Variants in ABCB1 observed in about 807,000 individuals in gnomAD.
ABCB1 encodes ATP-dependent translocase ABCB1.
A neutral mutation model predicts 142.0 loss-of-function variants in ABCB1; 69 were observed. That is an observed-to-expected ratio of 0.49 (90% CI 0.40 to 0.59). The LOEUF (loss-of-function observed/expected upper bound fraction) is 0.59. Ranked by LOEUF, ABCB1 falls within the 20% of genes least tolerant of loss-of-function variation. The pLI is 0.00. For missense variants in ABCB1, 1,326 were observed against 1,554.7 expected (o/e 0.85, Z 2.47); for synonymous variants, 532 against 539.2 (o/e 0.99, Z 0.18).
intron 20 of ABCB1, among the ~76,000 whole-genome samples, chr7:87,534,540 G>T (rs186664397): frequency 1.8e-4 from 28 of 152,100 alleles, no homozygotes; most frequent in African/African-American, 5.5e-4. Context: ...TAATACAGAC[G>T]TCACAAACTT....
chr7:87,710,445 T>C, intron 1 of ABCB1: 1 of 615,024 alleles, frequency 1.6e-6, no homozygotes, highest in Non-Finnish European at 2.8e-6. Flanking sequence ...TAAACATTTT[T>C]CTTAGTCGTT....
intron 18 of ABCB1, among the ~76,000 whole-genome samples, chr7:87,539,739 T>C (rs1171350097): frequency 6.6e-6 from 1 of 152,190 alleles, no homozygotes; most frequent in East Asian, 1.9e-4. Flanking sequence ...GGCATTTTGC[T>C]ATCTCTAGAC....
intron 20 of ABCB1, among the ~76,000 whole-genome samples, chr7:87,532,516 A>G (rs1028225482): frequency 3.3e-5 from 5 of 152,126 alleles, no homozygotes; most frequent in African/African-American, 1.2e-4. Flanking sequence ...GCTAATTATA[A>G]TGTATTAGCA....
chr7:87,549,850 C>G lies in ABCB1; in HGVS notation c.1554+1G>C, dbSNP rs1816968988. ...AAAGGCAAAGGGCAAGGACAACTTA[C>G]ATGAGGCAGTTTCATGATAAAGTCA... On this transcript the variant is annotated splice_donor_variant, in intron 13 of 27. Coordinates refer to ENST00000622132, the MANE Select transcript of ABCB1 (RefSeq NM_001348946.2). LOFTEE classifies it high-confidence loss of function. 1 of 1,614,034 alleles carries G rather than the reference C, an allele frequency of 6.2e-7. No individual in the cohort carries two copies. The highest frequency in any genetic ancestry group is 8.5e-7 in the Non-Finnish European group (1 of 1,180,032).
chr7:87,620,732 T>C (rs1820194399), intron 1 of ABCB1, among the ~76,000 whole-genome samples: 1 of 152,038 alleles, frequency 6.6e-6, no homozygotes, highest in Admixed American at 6.6e-5. Context: ...GCACAGAAAA[T>C]CTTTTCTAAG....
intron 1 of ABCB1, among the ~76,000 whole-genome samples, chr7:87,660,533 T>A (rs1824588763): frequency 6.6e-6 from 1 of 152,036 alleles, no homozygotes; most frequent in Non-Finnish European, 1.5e-5. Flanking sequence ...GATCGTTAGT[T>A]CCTTTTTCTT....
chr7:87,511,369 T>C (rs1814999195), intron 25 of ABCB1, among the ~76,000 whole-genome samples: 1 of 152,172 alleles, frequency 6.6e-6, no homozygotes, highest in African/African-American at 2.4e-5. Context: ...TGGTAAGAAA[T>C]AATGAAAGGC....
At chr7:87,593,083 T>C (rs1563067346) in intron 3 of ABCB1, among the ~76,000 whole-genome samples, 2 of 152,102 alleles carry the variant, frequency 1.3e-5, no homozygotes, top group African/African-American at 4.8e-5. Context: ...TGTGCCACCA[T>C]GCCCAGCTAA....
chr7:87,596,075 T>A (rs185976086), intron 2 of ABCB1, among the ~76,000 whole-genome samples: 22 of 152,226 alleles, frequency 1.4e-4, no homozygotes, highest in African/African-American at 5.3e-4. Flanking sequence ...GTGCCTTTGA[T>A]ATTTCCTGAT....
rs142948049 is a variant in ABCB1, at chr7:87,555,263, G to A, written c.828-1331C>T. 2.6e-3 allele frequency among the ~76,000 whole-genome samples: 389 copies of A among 152,252 alleles called. 1 individual carries two copies. Among genetic ancestry groups the A allele is most frequent in the African/African-American group, 8.9e-3 (369 of 41,544 alleles). The stretch of plus-strand genomic sequence containing the variant: ...TAAATCTGTCTGTATTTTCTTAATC[G>A]CAACTCCCTGCAGAACCTAGAGCAT... On this transcript the variant is annotated intron_variant, in intron 8 of 27. Transcript: ENST00000622132.
intron 1 of ABCB1, among the ~76,000 whole-genome samples, chr7:87,690,580 A>G (rs1457486698): frequency 6.6e-6 from 1 of 152,194 alleles, no homozygotes; most frequent in African/African-American, 2.4e-5. Flanking sequence ...TTAAAAGATG[A>G]AAAATGCTGT....
At chr7:87,623,139 C>T (rs1322833463) in intron 1 of ABCB1, among the ~76,000 whole-genome samples, 1 of 152,266 alleles carries the variant, frequency 6.6e-6, no homozygotes, top group East Asian at 1.9e-4. Context: ...CTATATGTTA[C>T]TTAATGTCTC....
chr7:87,561,919 G>A (rs1396395459), intron 7 of ABCB1, among the ~76,000 whole-genome samples: 2 of 152,230 alleles, frequency 1.3e-5, no homozygotes, highest in South Asian at 2.1e-4. Context: ...CTAGGAGGAC[G>A]AGGCTGCCGT....
In ABCB1 at chr7:87,590,300, A is replaced by G. The variant is rs145251757; in HGVS notation, c.118-4620T>C. Among the ~76,000 whole-genome samples the G allele has an allele frequency of 1.4e-4, 22 of 152,368 alleles. 1 individual carries two copies. The highest frequency in any genetic ancestry group is 5.3e-4 in the African/African-American group (22 of 41,598). ...ATATTTAAGTTGCTATGAAAGTTCC[A>G]GGCACCATTCTAGGGCATTTGGGTT... On this transcript the variant is annotated intron_variant, in intron 3 of 27. Coordinates refer to ENST00000622132, the MANE Select transcript of ABCB1 (RefSeq NM_001348946.2).
intron 1 of ABCB1, among the ~76,000 whole-genome samples, chr7:87,692,626 T>C (rs1318283798): frequency 6.6e-6 from 1 of 152,206 alleles, no homozygotes; most frequent in East Asian, 1.9e-4. Flanking sequence ...TTCATGGAAA[T>C]TGTTTTTACT....
rs911016189 is a variant in ABCB1, at chr7:87,632,706, C to T, written c.-330-31628G>A. ...GATAATCAGATATTAGTCATTTTTT[C>T]TGTCCTTTATAAGCTTCATTGTTTA... is the stretch of plus-strand genomic sequence containing the variant. On this transcript the variant is annotated intron_variant, in intron 1 of 28. Transcript: ENST00000265724. Among the ~76,000 whole-genome samples the T allele has an allele frequency of 2.0e-5, 3 of 151,978 alleles. No individual in the cohort carries two copies. In the East Asian group the frequency reaches 5.8e-4, roughly 29 times the overall value.
chr7:87,609,839 T>A (rs1046782043), intron 1 of ABCB1, among the ~76,000 whole-genome samples: 1 of 152,058 alleles, frequency 6.6e-6, no homozygotes, highest in Admixed American at 6.6e-5. Context: ...CGAGGTGGAT[T>A]TTAAGGTGCA....
intron 1 of ABCB1, among the ~76,000 whole-genome samples, chr7:87,635,052 A>G (rs1257775455): frequency 6.6e-6 from 1 of 152,138 alleles, no homozygotes; most frequent in Non-Finnish European, 1.5e-5. Context: ...ACTAGGGGGT[A>G]TTTATTTTAA....
At chr7:87,540,830 CTT>C (rs1173330078) in intron 18 of ABCB1, among the ~76,000 whole-genome samples, 2 of 152,202 alleles carry the variant, frequency 1.3e-5, no homozygotes, top group Non-Finnish European at 2.9e-5. Context: ...AAATCTGACT[CTT>C]TACAAATGTT....
Sources: allele counts gnomAD v4.1 joint callset (sites outside exome capture counted in the v4.1 genomes callset), GRCh38; gene constraint gnomAD v4.1.1; transcripts MANE v1.5; gene names NCBI Gene and HGNC (gene_info 2026-07-23, HGNC 2026-07-21).